Variants in LRRC4C observed in about 807,000 individuals in gnomAD.
LRRC4C encodes leucine rich repeat containing 4C.
Under a neutral mutation model 33.6 loss-of-function variants are expected in LRRC4C, and 5 were observed. The observed-to-expected ratio is 0.15, with a 90% CI of 0.08 to 0.31. LRRC4C has a LOEUF of 0.31. Among genes scored for constraint, LRRC4C ranks in the 10% least tolerant of loss-of-function variants. The pLI is 1.00. For synonymous variants in LRRC4C, 329 were observed against 302.0 expected (o/e 1.09, Z -0.93); for missense variants, 560 against 796.7 (o/e 0.70, Z 3.58).
At chr11:41,001,802 T>A (rs939225872) in intron 1 of LRRC4C, among the ~76,000 whole-genome samples, 9 of 152,054 alleles carry the variant, frequency 5.9e-5, no homozygotes, top group Non-Finnish European at 8.8e-5. Context: ...TATTTGAATC[T>A]CATTCCAAGG....
At chr11:41,422,556 G>T (rs888348499) in intron 1 of LRRC4C, among the ~76,000 whole-genome samples, 28 of 151,854 alleles carry the variant, frequency 1.8e-4, no homozygotes, top group African/African-American at 6.5e-4. Flanking sequence ...AAGATGGAAG[G>T]ACCTGAGTCT....
At chr11:40,529,544 T>C (rs1385604647) in intron 3 of LRRC4C, among the ~76,000 whole-genome samples, 1 of 152,096 alleles carries the variant, frequency 6.6e-6, no homozygotes, top group Non-Finnish European at 1.5e-5. Context: ...ATGCCAGTAG[T>C]ATTGACTGCT....
At chr11:40,838,909 G>GAA (rs200842549) in intron 2 of LRRC4C, among the ~76,000 whole-genome samples, 1 of 149,560 alleles carries the variant, frequency 6.7e-6, no homozygotes, top group Non-Finnish European at 1.5e-5. Flanking sequence ...TTGATAATCA[G>GAA]AAAAAAAAAT....
At chr11:40,183,111 A>T (rs7931666) in intron 5 of LRRC4C, among the ~76,000 whole-genome samples, 78,646 of 151,666 alleles carry the variant, frequency 0.52, 20,533 homozygotes, top group South Asian at 0.6. Context: ...GAGATTTTTT[A>T]AAAAAATGTA....
intron 2 of LRRC4C, among the ~76,000 whole-genome samples, chr11:40,834,913 C>CAGACAG (rs754413471): frequency 1.4e-4 from 18 of 133,152 alleles, no homozygotes; most frequent in Admixed American, 2.2e-4. Context: ...GACAGACAGA[C>CAGACAG]ACACACACAC....
chr11:41,400,583 A>ATT (rs5791436), intron 1 of LRRC4C, among the ~76,000 whole-genome samples: 3 of 151,410 alleles, frequency 2.0e-5, no homozygotes, highest in African/African-American at 7.3e-5. Flanking sequence ...AATAGGAGAT[A>ATT]TTTTTTTAAT....
chr11:40,839,997 T>C (rs1952842987), intron 2 of LRRC4C, among the ~76,000 whole-genome samples: 1 of 152,200 alleles, frequency 6.6e-6, no homozygotes, highest in South Asian at 2.1e-4. Context: ...CCCAATCTGA[T>C]AGTCTCTATT....
intron 5 of LRRC4C, among the ~76,000 whole-genome samples, chr11:40,222,158 G>GT (rs574028841): frequency 5.3e-4 from 80 of 152,156 alleles, no homozygotes; most frequent in Non-Finnish European, 7.6e-4. Flanking sequence ...CAGCTACCCA[G>GT]TAACGGCAAG....
chr11:41,283,618 A>G (rs942964979), intron 1 of LRRC4C, among the ~76,000 whole-genome samples: 1 of 152,214 alleles, frequency 6.6e-6, no homozygotes, highest in Admixed American at 6.5e-5. Flanking sequence ...TCATGTACCT[A>G]TTATAATTGT....
At chr11:41,051,227 G>A (rs1858183478) in intron 1 of LRRC4C, among the ~76,000 whole-genome samples, 1 of 152,108 alleles carries the variant, frequency 6.6e-6, no homozygotes. Context: ...ACACTTAAAT[G>A]TTGGTGGCTT....
chr11:40,320,840 C>T (rs922661509), intron 3 of LRRC4C, among the ~76,000 whole-genome samples: 2 of 152,134 alleles, frequency 1.3e-5, no homozygotes, highest in African/African-American at 2.4e-5. Context: ...AAGCAAAACT[C>T]CCATGCTTAA....
At chr11:41,030,142 ATAAT>A (rs554203255) in intron 1 of LRRC4C, among the ~76,000 whole-genome samples, 204 of 152,048 alleles carry the variant, frequency 1.3e-3, no homozygotes, top group African/African-American at 4.7e-3. Context: ...AAAAATATGC[ATAAT>A]TAATTTTGGC....
chr11:41,363,357 A>G (rs1459602610), intron 1 of LRRC4C, among the ~76,000 whole-genome samples: 1 of 152,198 alleles, frequency 6.6e-6, no homozygotes, highest in Non-Finnish European at 1.5e-5. Flanking sequence ...TCCATTCTGA[A>G]ATTTGCGGAT....
At chr11:40,984,363 A>G (rs865813692) in intron 1 of LRRC4C, among the ~76,000 whole-genome samples, 56 of 120,404 alleles carry the variant, frequency 4.7e-4, no homozygotes, top group East Asian at 1.2e-3. Flanking sequence ...AAAGAAAGAA[A>G]AAAGAAAGAA....
intron 1 of LRRC4C, among the ~76,000 whole-genome samples, chr11:41,351,431 T>C (rs1951980762): frequency 6.6e-6 from 1 of 152,168 alleles, no homozygotes; most frequent in Non-Finnish European, 1.5e-5. Context: ...AAGGATATTG[T>C]ATCCAAAAAT....
intron 1 of LRRC4C, among the ~76,000 whole-genome samples, chr11:41,151,232 C>T (rs1415736155): frequency 6.6e-6 from 1 of 152,176 alleles, no homozygotes; most frequent in African/African-American, 2.4e-5. Context: ...GCTAGTTTCT[C>T]CTCAGCTTAG....
chr11:40,185,708 GAGAGGGGTGA>G (rs1217239074), intron 5 of LRRC4C, among the ~76,000 whole-genome samples: 1 of 152,148 alleles, frequency 6.6e-6, no homozygotes, highest in Non-Finnish European at 1.5e-5. Flanking sequence ...GAAAGAGCAC[GAGAGGGGTGA>G]AGAAACTTGC....
chr11:40,521,233 T>C (rs890800105), intron 3 of LRRC4C, among the ~76,000 whole-genome samples: 1 of 152,190 alleles, frequency 6.6e-6, no homozygotes, highest in African/African-American at 2.4e-5. Flanking sequence ...AATATCTGCA[T>C]AGCTTGCACT....
intron 2 of LRRC4C, among the ~76,000 whole-genome samples, chr11:40,835,704 C>G (rs530854218): frequency 1.3e-5 from 2 of 152,012 alleles, no homozygotes; most frequent in African/African-American, 4.8e-5. Context: ...AGACATAAGC[C>G]CATTGGTATT....
Sources: gnomAD v4.1 joint callset for allele counts (sites outside exome capture counted in the v4.1 genomes callset) on GRCh38, gnomAD v4.1.1 for gene constraint, MANE v1.5 for transcripts, NCBI Gene and HGNC (gene_info 2026-07-23, HGNC 2026-07-21) for gene names.